Variants in FBXO15 observed in about 807,000 individuals in gnomAD.
The protein encoded by FBXO15 is F-box only protein 15.
A neutral mutation model predicts 49.5 loss-of-function variants in FBXO15; 30 were observed. The ratio of observed to expected loss-of-function variants is 0.61; its 90% CI spans 0.45 to 0.82. The LOEUF (loss-of-function observed/expected upper bound fraction) is 0.82. Among genes scored for constraint, FBXO15 ranks in the 40% least tolerant of loss-of-function variants. The pLI is 0.00. For missense variants in FBXO15, 591 were observed against 631.5 expected, an observed-to-expected ratio of 0.94 and a Z score of 0.69; for synonymous variants, 250 against 232.7, an observed-to-expected ratio of 1.07 and a Z score of -0.68.
chr18:74,147,362 G>A (rs1979496298), intron 1 of FBXO15, among the ~76,000 whole-genome samples: 3 of 152,094 alleles, frequency 2.0e-5, no homozygotes, highest in Admixed American at 2.0e-4. Flanking sequence ...TGAATTTAGG[G>A]CACGCATCCC....
At chr18:74,113,031 T>C (rs1350827506) in intron 8 of FBXO15, among the ~76,000 whole-genome samples, 2 of 152,228 alleles carry the variant, frequency 1.3e-5, no homozygotes, top group African/African-American at 4.8e-5. Context: ...TTATGCATAA[T>C]TGCTAAAACT....
In FBXO15 at chr18:74,100,509, G is replaced by A. The variant is rs971350394; in HGVS notation, c.1139-18458C>T. 3.3e-5 allele frequency among the ~76,000 whole-genome samples: 5 copies of A among 151,862 alleles called. No homozygotes were observed. In the East Asian group the frequency reaches 9.7e-4, roughly 29 times the overall value. On this transcript the variant is annotated intron_variant, in intron 8 of 9. Coordinates refer to ENST00000419743, the MANE Select transcript of FBXO15 (RefSeq NM_001142958.2). ...TCTAAGGTCATACCTCAAGGAACTA[G>A]AGAAAAAAGAACAAACCAAACCCAA...
intron 1 of FBXO15, chr18:74,140,607 A>G (rs900478832): frequency 9.3e-6 from 3 of 321,750 alleles, no homozygotes; most frequent in Middle Eastern, 9.3e-4. Flanking sequence ...GGCAGGGAGA[A>G]GGGAGGAAGA....
At chr18:74,097,017 G>C (rs1007195856) in intron 8 of FBXO15, 24 of 152,352 alleles carry the variant, frequency 1.6e-4, no homozygotes, top group African/African-American at 5.1e-4. Context: ...TCCTTACCTG[G>C]AGCTGAGTCA....
intron 2 of FBXO15, 35 bp from the exon 3 acceptor site, chr18:74,135,901 G>T (rs150286998): frequency 6.5e-7 from 1 of 1,540,676 alleles, no homozygotes; most frequent in East Asian, 2.3e-5. Flanking sequence ...AAAATCACCA[G>T]AGTGGACCAG....
intron 8 of FBXO15, among the ~76,000 whole-genome samples, chr18:74,109,835 G>A (rs1360903094): frequency 6.6e-6 from 1 of 151,950 alleles, no homozygotes; most frequent in East Asian, 1.9e-4. Flanking sequence ...GTCAGGGGAT[G>A]GGGGGCTGGG....
chr18:74,102,034 C>T (rs1913545362), intron 8 of FBXO15, among the ~76,000 whole-genome samples: 1 of 151,810 alleles, frequency 6.6e-6, no homozygotes, highest in Non-Finnish European at 1.5e-5. Context: ...ACTGGAAAAA[C>T]CCTTCTAGAC....
At chr18:74,081,834 A>G in intron 9 of FBXO15, 93 bp downstream of exon 9, 1 of 869,478 alleles carries the variant, frequency 1.2e-6, no homozygotes, top group Admixed American at 3.4e-5. Context: ...GAAACATCAT[A>G]CATATATGAC....
At chr18:74,111,035 CT>C (rs1312019654) in intron 8 of FBXO15, among the ~76,000 whole-genome samples, 1 of 152,018 alleles carries the variant, frequency 6.6e-6, no homozygotes, top group African/African-American at 2.4e-5. Context: ...CATAAGTGAA[CT>C]CAACAATGTC....
At chr18:74,105,793 A>G (rs1198960838) in intron 8 of FBXO15, among the ~76,000 whole-genome samples, 1 of 152,164 alleles carries the variant, frequency 6.6e-6, no homozygotes, top group East Asian at 1.9e-4. Context: ...AATAAAACAA[A>G]GAACAATAAA....
Position 74,097,947 on chromosome 18 carries a change from A to T in FBXO15, c.1139-15896T>A, listed in dbSNP as rs905262824. The T allele has an allele frequency of 2.6e-5, 4 of 152,534 alleles. 1 individual carries two copies. Among genetic ancestry groups the T allele is most frequent in the Admixed American group, 6.5e-5 (1 of 15,284 alleles). 9.4% of individuals were successfully genotyped at this position (152,534 alleles called of 1,614,324 possible). Reference sequence around the variant, plus strand: ...CAGTTCACATCACAGGACTCTGTGCAGACACCCCCTCCTTCCCCCAGTACC... The same window carrying T: ...CAGTTCACATCACAGGACTCTGTGCTGACACCCCCTCCTTCCCCCAGTACC... On this transcript the variant is annotated intron_variant, in intron 8 of 9. Coordinates refer to ENST00000419743, the MANE Select transcript of FBXO15 (RefSeq NM_001142958.2).
At chr18:74,105,013 CAACATGGATGA>C (rs1913687340) in intron 8 of FBXO15, among the ~76,000 whole-genome samples, 2 of 152,084 alleles carry the variant, frequency 1.3e-5, no homozygotes, top group South Asian at 4.1e-4. Flanking sequence ...TCATCTGCAG[CAACATGGATGA>C]AACTGGAGGT....
In FBXO15 at chr18:74,074,759, A is replaced by G. The variant is rs1005836862; in HGVS notation, c.1264-1029T>C. On this transcript the variant is annotated intron_variant, in intron 9 of 9. Transcript: ENST00000419743. This position sits in a 1 kb window ranked among gnomAD's most constrained non-coding sequence, Gnocchi z 4.7. Reference sequence around the variant, plus strand: ...ACTAAGCATAAACGTCATTTCATGAACGCTGCTTTCATTGCACATGAATGT... The same window carrying G: ...ACTAAGCATAAACGTCATTTCATGAGCGCTGCTTTCATTGCACATGAATGT... 6.6e-6 allele frequency among the ~76,000 whole-genome samples: 1 copy of G among 152,222 alleles called. No individual in the cohort carries two copies. The highest frequency in any genetic ancestry group is 2.4e-5 in the African/African-American group (1 of 41,458).
chr18:74,083,362 G>A (rs1912587416), intron 8 of FBXO15, among the ~76,000 whole-genome samples: 1 of 152,238 alleles, frequency 6.6e-6, no homozygotes, highest in Admixed American at 6.5e-5. Flanking sequence ...CGGAAGCAGG[G>A]AGGAAGTGTA....
At chr18:74,086,952 C>T (rs1365726477) in intron 8 of FBXO15, among the ~76,000 whole-genome samples, 3 of 152,096 alleles carry the variant, frequency 2.0e-5, no homozygotes, top group African/African-American at 7.2e-5. Context: ...AGTTCTAGAC[C>T]ACAGGAATAA....
chr18:74,112,931 A>G (rs1045610534), intron 8 of FBXO15, among the ~76,000 whole-genome samples: 1 of 152,246 alleles, frequency 6.6e-6, no homozygotes, highest in Non-Finnish European at 1.5e-5. Flanking sequence ...CTCGTACCAC[A>G]TGATCCAGCA....
At chr18:74,128,626 T>C (rs1210187129) in intron 5 of FBXO15, among the ~76,000 whole-genome samples, 1 of 152,248 alleles carries the variant, frequency 6.6e-6, no homozygotes, top group South Asian at 2.1e-4. Flanking sequence ...TATAAAGCTA[T>C]GTTAGCTTGC....
In FBXO15 at chr18:74,126,076, T is replaced by G; in HGVS notation, c.811A>C (p.Lys271Gln). 1 of 1,613,946 alleles carries G rather than the reference T, an allele frequency of 6.2e-7. No homozygotes were observed. Among genetic ancestry groups the G allele is most frequent in the Non-Finnish European group, 8.5e-7 (1 of 1,179,908 alleles). Residue 271 changes from lysine (K) to glutamine (Q), a missense_variant, in exon 6 of 10, where the codon AAG becomes CAG. Lys to Gln is a moderately conservative substitution (Grantham distance 53, BLOSUM62 1). Transcript: ENST00000419743. ...ATGGTCAAATGACTCAGATTGTACT[T>G]TGCAATTAAAGAATGCCATCGGAGT... ...HRLRWHSLIAKYNLSHLTIST... is the reference protein window; with the variant it reads ...HRLRWHSLIAQYNLSHLTIST...
intron 8 of FBXO15, among the ~76,000 whole-genome samples, chr18:74,110,266 G>A (rs1484252470): frequency 6.7e-6 from 1 of 149,358 alleles, no homozygotes; most frequent in Non-Finnish European, 1.5e-5. Context: ...TGGGAGGGAG[G>A]AATTTGGATT....
Sources: allele counts gnomAD v4.1 joint callset (sites outside exome capture counted in the v4.1 genomes callset), GRCh38; gene constraint gnomAD v4.1.1; non-coding constraint Gnocchi (gnomAD v3.1); transcripts MANE v1.5; gene names NCBI Gene and HGNC (gene_info 2026-07-23, HGNC 2026-07-21).